Variants in AGMO observed in about 807,000 individuals in gnomAD.
The protein encoded by AGMO is alkylglycerol monooxygenase, also known as glyceryl-ether monooxygenase.
In AGMO, 75 loss-of-function variants were observed where a neutral mutation model predicts 60.2. The observed-to-expected ratio is 1.25, with a 90% CI of 1.03 to 1.51. The LOEUF (loss-of-function observed/expected upper bound fraction) is 1.51, where lower values mean the gene tolerates loss of function less well. Ranked by LOEUF, AGMO falls within the 40% of genes most tolerant of loss-of-function variation. The pLI is 0.00. For synonymous variants in AGMO, 261 were observed against 177.1 expected (o/e 1.47, Z -3.76); for missense variants, 763 against 525.5 (o/e 1.45, Z -4.42).
At chr7:15,214,512 A>G (rs1450211632) in intron 12 of AGMO, among the ~76,000 whole-genome samples, 1 of 151,964 alleles carries the variant, frequency 6.6e-6, no homozygotes, top group African/African-American at 2.4e-5. Flanking sequence ...CACACCCTCA[A>G]ATTTGAGAAC....
At chr7:15,290,768 T>C (rs1329592452) in intron 12 of AGMO, among the ~76,000 whole-genome samples, 1 of 152,210 alleles carries the variant, frequency 6.6e-6, no homozygotes, top group East Asian at 1.9e-4. Flanking sequence ...TATGTCAATA[T>C]TTCCCAAACT....
chr7:15,438,023 T>A (rs991270259), intron 3 of AGMO, among the ~76,000 whole-genome samples: 1 of 152,106 alleles, frequency 6.6e-6, no homozygotes, highest in African/African-American at 2.4e-5. Context: ...GCTTTTAAGT[T>A]CTAGTATGCA....
intron 5 of AGMO, among the ~76,000 whole-genome samples, chr7:15,415,668 T>C (rs1780745756): frequency 6.6e-6 from 1 of 152,176 alleles, no homozygotes; most frequent in South Asian, 2.1e-4. Flanking sequence ...ATAATAAATT[T>C]AAGATAAAAC....
intron 6 of AGMO, among the ~76,000 whole-genome samples, chr7:15,391,524 A>T (rs10240457): frequency 6.6e-6 from 1 of 151,926 alleles, no homozygotes; most frequent in South Asian, 2.1e-4. Context: ...AAGTAGACAT[A>T]ATGATATCCA....
rs923402965 is a variant in AGMO, at chr7:15,298,815, T to G, written c.1263+66699A>C. Among the ~76,000 whole-genome samples the G allele has an allele frequency of 4.6e-5, 7 of 152,304 alleles. No homozygotes were observed. In the South Asian group the frequency reaches 1.2e-3, roughly 27 times the overall value. On this transcript the variant is annotated intron_variant, in intron 12 of 12. Coordinates refer to ENST00000342526, the MANE Select transcript of AGMO (RefSeq NM_001004320.2). Reference sequence around the variant, plus strand: ...ACCATTCTATTCTTTTGTCTAAAATTTATTACTACTGATTTGGAATACAAC... The same window carrying G: ...ACCATTCTATTCTTTTGTCTAAAATGTATTACTACTGATTTGGAATACAAC...
chr7:15,539,456 G>T (rs771361304), intron 3 of AGMO, among the ~76,000 whole-genome samples: 30 of 134,036 alleles, frequency 2.2e-4, no homozygotes, highest in Admixed American at 4.2e-4. Flanking sequence ...CCATGTTGCT[G>T]CAAAGGACAT....
intron 3 of AGMO, among the ~76,000 whole-genome samples, chr7:15,538,327 G>T (rs934129693): frequency 7.9e-5 from 12 of 152,006 alleles, no homozygotes; most frequent in Admixed American, 3.9e-4. Flanking sequence ...AAAATTCCTG[G>T]GCTCAGGTGA....
intron 3 of AGMO, among the ~76,000 whole-genome samples, chr7:15,457,953 TG>T (rs1430087937): frequency 1.3e-5 from 2 of 152,100 alleles, no homozygotes; most frequent in Admixed American, 6.6e-5. Flanking sequence ...TGAAATAAAA[TG>T]GGGGTAAATT....
intron 12 of AGMO, among the ~76,000 whole-genome samples, chr7:15,301,943 G>A (rs1010837893): frequency 6.6e-6 from 1 of 152,100 alleles, no homozygotes; most frequent in African/African-American, 2.4e-5. Flanking sequence ...TTCTGGTGCT[G>A]AAAGAAGGGA....
chr7:15,317,205 G>C (rs1177565726), intron 12 of AGMO, among the ~76,000 whole-genome samples: 1 of 152,154 alleles, frequency 6.6e-6, no homozygotes, highest in Admixed American at 6.5e-5. Context: ...TTGGGGATCA[G>C]TATTAACTTG....
the AGMO span, among the ~76,000 whole-genome samples, chr7:15,155,798 T>G: frequency 6.6e-6 from 1 of 152,152 alleles, no homozygotes; most frequent in Non-Finnish European, 1.5e-5. Context: ...CTGTCTTTTG[T>G]ATGGGGCATT....
rs532229401 is a variant in AGMO, at chr7:15,233,663, C to T, written c.1264-32304G>A. Among the ~76,000 whole-genome samples the T allele has an allele frequency of 1.2e-4, 18 of 152,132 alleles. 1 individual carries two copies. The highest frequency in any genetic ancestry group is 4.3e-4 in the African/African-American group (18 of 41,512). ...AAAAGTCAGGAAACGGATTTAGGAG[C>T]AAAGCGATTAAAGCCCACATAACAC... On this transcript the variant is annotated intron_variant, in intron 12 of 12. Coordinates refer to ENST00000342526, the MANE Select transcript of AGMO (RefSeq NM_001004320.2).
intron 8 of AGMO, among the ~76,000 whole-genome samples, chr7:15,390,259 G>C (rs1371733039): frequency 6.6e-6 from 1 of 152,106 alleles, no homozygotes; most frequent in African/African-American, 2.4e-5. Flanking sequence ...TTGGGTCCAA[G>C]AACAGTAACA....
intron 3 of AGMO, among the ~76,000 whole-genome samples, chr7:15,524,481 C>G (rs1464271748): frequency 1.3e-5 from 2 of 152,094 alleles, no homozygotes; most frequent in African/African-American, 4.8e-5. Flanking sequence ...TTTTTGACAA[C>G]TAATTAAATT....
At chr7:15,335,090 A>G (rs2128546223) in intron 12 of AGMO, among the ~76,000 whole-genome samples, 1 of 152,264 alleles carries the variant, frequency 6.6e-6, no homozygotes, top group East Asian at 1.9e-4. Flanking sequence ...TTCATCTCTA[A>G]TTGCTTATAG....
intron 12 of AGMO, among the ~76,000 whole-genome samples, chr7:15,202,118 T>C (rs1387125189): frequency 2.0e-5 from 3 of 152,108 alleles, no homozygotes; most frequent in Admixed American, 6.6e-5. Context: ...AAGCAAACAA[T>C]GCCAAAACAA....
At chr7:15,556,565 T>C (rs1785146593) in intron 2 of AGMO, among the ~76,000 whole-genome samples, 1 of 152,000 alleles carries the variant, frequency 6.6e-6, no homozygotes, top group Admixed American at 6.6e-5. Context: ...GCAGAAACAT[T>C]GGAAGGAAGT....
rs544431736 is a variant in AGMO at position 15,212,349 on chromosome 7, T to C, written c.1264-10990A>G. On this transcript the variant is annotated intron_variant, in intron 12 of 12. Coordinates refer to ENST00000342526, the MANE Select transcript of AGMO (RefSeq NM_001004320.2). ...TATAAAAAGAATTACATCGAATCAGTCTCTATTAGGTTGTATTCATTCACA... is the reference window on the plus strand; with the variant it reads ...TATAAAAAGAATTACATCGAATCAGCCTCTATTAGGTTGTATTCATTCACA... Among the ~76,000 whole-genome samples the C allele has an allele frequency of 4.0e-5, 6 of 151,748 alleles. No individual in the cohort carries two copies. The East Asian group carries it at 1.2e-3, about 29-fold the overall frequency.
At chr7:15,464,647 CTGAGG>C (rs891191867) in intron 3 of AGMO, among the ~76,000 whole-genome samples, 4 of 152,090 alleles carry the variant, frequency 2.6e-5, no homozygotes, top group African/African-American at 9.7e-5. Flanking sequence ...CTAGAAAAAT[CTGAGG>C]TGAGGTTAGA....
Sources: gnomAD v4.1 joint callset for allele counts (sites outside exome capture counted in the v4.1 genomes callset) on GRCh38, gnomAD v4.1.1 for gene constraint, MANE v1.5 for transcripts, NCBI Gene and HGNC (gene_info 2026-07-23, HGNC 2026-07-21) for gene names.